The following NEK5 variants were observed in gnomAD, a reference collection of about 807,000 sequenced individuals.
NEK5 encodes NIMA related kinase 5.
NEK5 carries 88 observed loss-of-function variants against 109.2 expected under a neutral mutation model. The ratio of observed to expected loss-of-function variants is 0.81; its 90% confidence interval spans 0.68 to 0.96. NEK5 has a LOEUF of 0.96. NEK5 is among the 40% of genes least tolerant of loss of function. The pLI, the probability that NEK5 is intolerant of heterozygous loss-of-function variation, is 0.00. For missense variants in NEK5, 834 were observed against 920.7 expected (o/e 0.91, Z 1.22); for synonymous variants, 283 against 299.9 (o/e 0.94, Z 0.58).
At position 52,064,198 on chromosome 13, in the gene NEK5, G is replaced by A. The variant is rs1428698781; in HGVS notation, c.1975+1286C>T. Among the ~76,000 whole-genome samples the A allele has an allele frequency of 1.4e-4, 18 of 128,480 alleles. 1 individual carries two copies. Among genetic ancestry groups the A allele is most frequent in the South Asian group, 5.1e-4 (2 of 3,914 alleles). The allele number at this position is 128,480 out of a possible 152,430, so 84.3% of individuals were successfully genotyped here. A position where few individuals can be genotyped will look rare whatever the true frequency, so the allele number is the denominator to read the frequency against. On this transcript the variant is annotated intron_variant, in intron 21 of 23. Coordinates refer to ENST00000684899, the MANE Select transcript of NEK5 (RefSeq NM_001365552.1). ...AGGTGGGGGGGTCAGCCCCCCGCCC[G>A]GCCAGCCGCCCCGTCCGGGAGGGAG...
intron 20 of NEK5, among the ~76,000 whole-genome samples, chr13:52,070,967 T>G (rs1239969110): frequency 6.6e-6 from 1 of 152,170 alleles, no homozygotes; most frequent in Admixed American, 6.5e-5. Flanking sequence ...AGATTCAGTG[T>G]TGGAATAACT....
chr13:52,046,494 AAAG>A (rs1555307636), intron 23 of NEK5, among the ~76,000 whole-genome samples: 30 of 150,862 alleles, frequency 2.0e-4, no homozygotes, highest in South Asian at 1.5e-3. Flanking sequence ...AAAAAAAAAA[AAAG>A]AAGAAGAAGA....
At chr13:52,111,358 A>G (rs997115693) in intron 5 of NEK5, among the ~76,000 whole-genome samples, 7 of 152,176 alleles carry the variant, frequency 4.6e-5, no homozygotes, top group African/African-American at 1.7e-4. Flanking sequence ...CATGAGAAGC[A>G]TTTTTATAAA....
chr13:52,104,443 T>C (rs1955608858), intron 9 of NEK5, 55 bp downstream of exon 9: 2 of 1,251,526 alleles, frequency 1.6e-6, no homozygotes, highest in African/African-American at 1.5e-5. Context: ...CAGAAGTTAA[T>C]TTCTTTTCTA....
chr13:52,040,598 C>T (rs919604004), intron 23 of NEK5, among the ~76,000 whole-genome samples: 1 of 152,080 alleles, frequency 6.6e-6, no homozygotes, highest in African/African-American at 2.4e-5. Context: ...GTATTATAGT[C>T]TTCCTAAGAT....
intron 23 of NEK5, among the ~76,000 whole-genome samples, chr13:52,043,281 G>A (rs1954429139): frequency 6.6e-6 from 1 of 152,026 alleles, no homozygotes. Flanking sequence ...GATCATGCCT[G>A]TAATCCCAGC....
chr13:52,080,328 C>T (rs1326787483), intron 17 of NEK5, among the ~76,000 whole-genome samples: 1 of 150,306 alleles, frequency 6.7e-6, no homozygotes, highest in Non-Finnish European at 1.5e-5. Context: ...GCGCCTCTGC[C>T]CGGCCGCCCC....
chr13:52,044,682 G>C (rs1954441326), intron 23 of NEK5, among the ~76,000 whole-genome samples: 1 of 152,200 alleles, frequency 6.6e-6, no homozygotes, highest in South Asian at 2.1e-4. Context: ...GCCCAAGATA[G>C]AGAAGGGCTT....
intron 22 of NEK5, among the ~76,000 whole-genome samples, chr13:52,050,554 G>A (rs970308221): frequency 4.7e-5 from 7 of 148,992 alleles, no homozygotes; most frequent in Non-Finnish European, 3.0e-5. Context: ...TCCCACCATG[G>A]TTAGACTTCA....
chr13:52,094,615 C>T (rs1955363796), intron 12 of NEK5, among the ~76,000 whole-genome samples: 1 of 152,174 alleles, frequency 6.6e-6, no homozygotes, highest in African/African-American at 2.4e-5. Context: ...AACCCCGTCT[C>T]TACTAAAAAC....
chr13:52,121,690 G>T (rs1955973534), intron 3 of NEK5, among the ~76,000 whole-genome samples: 2 of 152,026 alleles, frequency 1.3e-5, no homozygotes, highest in African/African-American at 4.8e-5. Context: ...TACTCTTAAT[G>T]GCAAAAATGC....
At chr13:52,098,471 TA>T (rs560389911) in intron 12 of NEK5, among the ~76,000 whole-genome samples, 317 of 152,264 alleles carry the variant, frequency 2.1e-3, no homozygotes, top group African/African-American at 6.9e-3. Context: ...TACAATTCTT[TA>T]ATTAAAAGAC....
chr13:52,086,584 A>G (rs1955148265), intron 15 of NEK5, among the ~76,000 whole-genome samples: 1 of 152,188 alleles, frequency 6.6e-6, no homozygotes, highest in South Asian at 2.1e-4. Flanking sequence ...ATATAACCCA[A>G]ATGTGTTCAT....
In NEK5 at chr13:52,063,982, G is replaced by A. The variant is rs1257801410; in HGVS notation, c.1975+1502C>T. On this transcript the variant is annotated intron_variant, in intron 21 of 23. Transcript: ENST00000684899. The stretch of plus-strand genomic sequence containing the variant: ...AGCCCCCCGCCCAGCCAGCCACCCC[G>A]TCCGGGAGGGAGGTGGGGGGGGGGG... 2.8e-3 allele frequency among the ~76,000 whole-genome samples: 300 copies of A among 108,698 alleles called. 2 individuals are homozygous for A. Among genetic ancestry groups the A allele is most frequent in the African/African-American group, 9.0e-3 (278 of 30,986 alleles). The allele number at this position is 108,698 out of a possible 152,430, so 71.3% of individuals were successfully genotyped here. A position where few individuals can be genotyped will look rare whatever the true frequency, so the allele number is the denominator to read the frequency against.
rs547518388 is a variant in NEK5, at chr13:52,102,279, T to C, written c.623A>G (p.Asn208Ser). The C allele has an allele frequency of 6.2e-7, 1 of 1,613,796 alleles. No individual in the cohort carries two copies. Among genetic ancestry groups the C allele is most frequent in the South Asian group, 1.1e-5 (1 of 91,060 alleles). ...CTLKHPFEGN[N>S]LQQLVLKICQ... is the part of the protein sequence containing the mutation. ...AATCTTCAGAACCAGCTGCTGTAAG[T>C]TGTTACCCTCAAACTGAAAGGACAA... is the stretch of plus-strand genomic sequence containing the variant. Residue 208 changes from asparagine to serine, a missense_variant, in exon 10 of 24, where the codon AAC becomes AGC. Physicochemically the swap from Asn to Ser is conservative, Grantham distance 46 (BLOSUM62 1). This residue lies in a region of NEK5 where 777 missense variants were observed against 824.7 expected (regional missense o/e 0.94). Transcript: ENST00000684899.
chr13:52,053,174 G>A (rs865877147), intron 22 of NEK5, among the ~76,000 whole-genome samples: 1 of 152,128 alleles, frequency 6.6e-6, no homozygotes, highest in Non-Finnish European at 1.5e-5. Flanking sequence ...AGTGGCATGC[G>A]CCTGTAATCC....
intron 7 of NEK5, 46 bp downstream of exon 7, chr13:52,110,294 T>G (rs1955732174): frequency 8.6e-7 from 1 of 1,163,686 alleles, no homozygotes; most frequent in African/African-American, 1.5e-5. Flanking sequence ...AAATACATAT[T>G]TGGGCTATTT....
intron 22 of NEK5, among the ~76,000 whole-genome samples, chr13:52,051,386 T>A (rs1478598407): frequency 1.3e-5 from 2 of 152,188 alleles, no homozygotes; most frequent in African/African-American, 4.8e-5. Flanking sequence ...AGACTTCTAA[T>A]GACTCTAAAA....
At chr13:52,072,445 T>C (rs572180147) in intron 19 of NEK5, among the ~76,000 whole-genome samples, 1 of 152,356 alleles carries the variant, frequency 6.6e-6, no homozygotes, top group East Asian at 1.9e-4. Context: ...TCCTAGTATT[T>C]TGTAGTCAAT....
Sources: gnomAD v4.1 joint callset for allele counts (sites outside exome capture counted in the v4.1 genomes callset) on GRCh38, gnomAD v4.1.1 for gene constraint, gnomAD v4.1.1 regional missense constraint, MANE v1.5 for transcripts, NCBI Gene and HGNC (gene_info 2026-07-23, HGNC 2026-07-21) for gene names.